The following DCLK1 variants were observed in gnomAD, a reference collection of about 807,000 sequenced individuals.
The protein encoded by DCLK1 is serine/threonine-protein kinase DCLK1.
DCLK1 carries 16 observed loss-of-function variants against 86.2 expected under a neutral mutation model. The observed-to-expected ratio is 0.19, with a 90% CI of 0.13 to 0.28. DCLK1 has a LOEUF of 0.28. Among genes scored for constraint, DCLK1 ranks in the 10% least tolerant of loss-of-function variants. DCLK1 has a pLI of 1.00. For synonymous variants in DCLK1, 369 were observed against 370.5 expected, an observed-to-expected ratio of 1.00 and a Z score of 0.05; for missense variants, 590 against 940.2, an observed-to-expected ratio of 0.63 and a Z score of 4.87.
At chr13:35,902,020 G>T (rs1205006407) in intron 4 of DCLK1, among the ~76,000 whole-genome samples, 1 of 152,174 alleles carries the variant, frequency 6.6e-6, no homozygotes, top group Non-Finnish European at 1.5e-5. Context: ...ACCACACTTT[G>T]AAGGGTAATG....
intron 6 of DCLK1, chr13:35,849,511 G>T (rs753321796): frequency 3.1e-6 from 3 of 981,894 alleles, no homozygotes; most frequent in Non-Finnish European, 3.6e-6. Context: ...TGACCACTAG[G>T]ATATGGCTTA....
chr13:36,044,828 T>A lies in DCLK1; in HGVS notation c.723+67041A>T, dbSNP rs117128155. ...TCAAGAAATAACAAAATAAACATAT[T>A]TTTTTAAGAAACGTGGAGGTAAATA... On this transcript the variant is annotated intron_variant, in intron 3 of 16. Transcript: ENST00000360631. 3.0e-3 allele frequency among the ~76,000 whole-genome samples: 464 copies of A among 152,144 alleles called. 2 individuals are homozygous for A. The highest frequency in any genetic ancestry group is 5.8e-3 in the Non-Finnish European group (391 of 67,984).
At chr13:35,788,729 G>T (rs1186744874) in intron 16 of DCLK1, among the ~76,000 whole-genome samples, 1 of 152,264 alleles carries the variant, frequency 6.6e-6, no homozygotes, top group South Asian at 2.1e-4. Context: ...AAGAGGAAAA[G>T]AATCAGGTTT....
chr13:35,791,285 A>C (rs941272255), intron 16 of DCLK1, among the ~76,000 whole-genome samples: 3 of 152,128 alleles, frequency 2.0e-5, no homozygotes, highest in Non-Finnish European at 4.4e-5. Context: ...TAAAAAAAAA[A>C]AAACCTCTGC....
At chr13:35,802,777 T>C (rs571525832) in intron 15 of DCLK1, among the ~76,000 whole-genome samples, 1 of 151,858 alleles carries the variant, frequency 6.6e-6, no homozygotes, top group East Asian at 1.9e-4. Flanking sequence ...GTAGCACAAA[T>C]GGATGAGTGT....
chr13:36,004,743 T>C (rs1880872302), intron 3 of DCLK1, among the ~76,000 whole-genome samples: 1 of 151,030 alleles, frequency 6.6e-6, no homozygotes, highest in African/African-American at 2.4e-5. Context: ...GCCCAGATAA[T>C]TTTTGCATTT....
At chr13:35,936,644 T>C (rs1876766064) in intron 4 of DCLK1, among the ~76,000 whole-genome samples, 1 of 152,196 alleles carries the variant, frequency 6.6e-6, no homozygotes, top group African/African-American at 2.4e-5. Flanking sequence ...CAGACTGGTA[T>C]TTATGTGTTT....
intron 2 of DCLK1, among the ~76,000 whole-genome samples, chr13:36,119,005 C>T (rs547305702): frequency 2.2e-4 from 34 of 152,268 alleles, no homozygotes; most frequent in Non-Finnish European, 4.4e-4. Context: ...ACCAAAAGCC[C>T]TACCCCTTAA....
chr13:36,101,030 G>T (rs763310639), intron 3 of DCLK1, among the ~76,000 whole-genome samples: 5 of 152,180 alleles, frequency 3.3e-5, no homozygotes, highest in Admixed American at 2.6e-4. Flanking sequence ...TGTCTCATGC[G>T]TAGGGACTCC....
At chr13:35,959,227 A>T (rs1878313462) in intron 3 of DCLK1, among the ~76,000 whole-genome samples, 1 of 152,218 alleles carries the variant, frequency 6.6e-6, no homozygotes, top group Non-Finnish European at 1.5e-5. Flanking sequence ...ATTTAAATCT[A>T]GAGTTGAGTG....
At chr13:35,993,529 G>C (rs370628414) in intron 3 of DCLK1, among the ~76,000 whole-genome samples, 7 of 152,146 alleles carry the variant, frequency 4.6e-5, no homozygotes, top group African/African-American at 1.7e-4. Context: ...ATTTGTCTTA[G>C]ACTTGCCACT....
chr13:35,897,380 G>A (rs1221201101), intron 4 of DCLK1, among the ~76,000 whole-genome samples: 1 of 152,188 alleles, frequency 6.6e-6, no homozygotes, highest in Non-Finnish European at 1.5e-5. Flanking sequence ...ACCTAGCCAT[G>A]ATAGCAAGAA....
intron 4 of DCLK1, among the ~76,000 whole-genome samples, chr13:35,894,139 A>T (rs925619395): frequency 3.9e-5 from 6 of 152,042 alleles, no homozygotes; most frequent in African/African-American, 1.5e-4. Context: ...CAAACAAACA[A>T]ACAAAAAAAA....
chr13:35,891,710 T>A (rs1000484197), intron 4 of DCLK1, among the ~76,000 whole-genome samples: 1 of 152,202 alleles, frequency 6.6e-6, no homozygotes, highest in African/African-American at 2.4e-5. Flanking sequence ...CTGTGCTTTG[T>A]CACCACACTG....
chr13:35,988,873 C>T (rs9531314), intron 3 of DCLK1, among the ~76,000 whole-genome samples: 12,348 of 152,130 alleles, frequency 0.081, 728 homozygotes, highest in East Asian at 0.2. Context: ...CAGCCCAGAA[C>T]GTTTCAGGAG....
chr13:36,055,647 C>T (rs1219356682), intron 3 of DCLK1, among the ~76,000 whole-genome samples: 1 of 151,996 alleles, frequency 6.6e-6, no homozygotes, highest in African/African-American at 2.4e-5. Flanking sequence ...ATTCAGACAC[C>T]ACACTGTCAT....
intron 2 of DCLK1, among the ~76,000 whole-genome samples, chr13:36,115,348 TA>T (rs1182770154): frequency 8.1e-6 from 1 of 123,460 alleles, no homozygotes; most frequent in Admixed American, 8.2e-5. Context: ...AACAAACAAA[TA>T]AAAAAACACA....
intron 8 of DCLK1, among the ~76,000 whole-genome samples, chr13:35,830,374 G>C (rs1868859142): frequency 6.6e-6 from 1 of 152,180 alleles, no homozygotes; most frequent in Non-Finnish European, 1.5e-5. Flanking sequence ...CTGGGCGACA[G>C]AGAAATTTAA....
chr13:35,942,465 G>A (rs533519831), intron 4 of DCLK1, among the ~76,000 whole-genome samples: 253 of 152,310 alleles, frequency 1.7e-3, no homozygotes, highest in South Asian at 5.0e-3. Context: ...TTACAGGCAT[G>A]AGCCACTGCG....
Sources: gnomAD v4.1 joint callset for allele counts (sites outside exome capture counted in the v4.1 genomes callset) on GRCh38, gnomAD v4.1.1 for gene constraint, MANE v1.5 for transcripts, NCBI Gene and HGNC (gene_info 2026-07-23, HGNC 2026-07-21) for gene names.